Variants in MYO6 observed in about 807,000 individuals in gnomAD.
MYO6 encodes the protein myosin VI.
In MYO6, 74 loss-of-function variants were observed where a neutral mutation model predicts 178.7. The observed-to-expected ratio is 0.41, with a 90% CI of 0.34 to 0.50. MYO6 has a LOEUF of 0.50. Ranked by LOEUF, MYO6 falls within the 20% of genes least tolerant of loss-of-function variation. The probability of loss-of-function intolerance (pLI) is 0.09; values close to 1 mark genes in which losing one functional copy is unlikely to be tolerated. For synonymous variants in MYO6, 477 were observed against 504.6 expected (o/e 0.95, Z 0.73); for missense variants, 1,330 against 1,547.4 (o/e 0.86, Z 2.36).
chr6:75,849,724 G>A (rs896921072), intron 11 of MYO6, among the ~76,000 whole-genome samples: 2 of 152,156 alleles, frequency 1.3e-5, no homozygotes, highest in African/African-American at 2.4e-5. Context: ...TCTTCAAGGC[G>A]GGAAATACGT....
chr6:75,793,982 T>A (rs2150094558), intron 1 of MYO6, among the ~76,000 whole-genome samples: 1 of 152,254 alleles, frequency 6.6e-6, no homozygotes, highest in South Asian at 2.1e-4. Flanking sequence ...GAAAAGCCTT[T>A]CCATGAGAAA....
chr6:75,856,483 T>C (rs1319372483), intron 12 of MYO6, among the ~76,000 whole-genome samples: 1 of 151,404 alleles, frequency 6.6e-6, no homozygotes, highest in African/African-American at 2.4e-5. Context: ...AATTTGACTT[T>C]CTTTTTTTTT....
intron 1 of MYO6, among the ~76,000 whole-genome samples, chr6:75,767,665 C>A (rs553220488): frequency 2.0e-5 from 3 of 151,138 alleles, no homozygotes; most frequent in Admixed American, 1.3e-4. Context: ...ACTACAGGTG[C>A]GCACCACCAC....
intron 11 of MYO6, among the ~76,000 whole-genome samples, chr6:75,854,791 T>G (rs1775593975): frequency 6.6e-6 from 1 of 152,198 alleles, no homozygotes; most frequent in South Asian, 2.1e-4. Flanking sequence ...TCATATGAAT[T>G]TTAATGATGA....
At chr6:75,835,303 A>G (rs1466557006) in intron 6 of MYO6, among the ~76,000 whole-genome samples, 1 of 152,196 alleles carries the variant, frequency 6.6e-6, no homozygotes, top group Non-Finnish European at 1.5e-5. Context: ...TTTATTTTTC[A>G]TTTTTATAAT....
chr6:75,841,476 C>G, intron 9 of MYO6, 98 bp downstream of exon 9: 2 of 1,206,366 alleles, frequency 1.7e-6, no homozygotes, highest in Non-Finnish European at 1.2e-6. Context: ...ATTGCTTGAG[C>G]CTGGGAGTTC....
At chr6:75,830,582 C>A (rs371811853) in intron 5 of MYO6, 37 bp downstream of exon 5, 281 of 1,579,068 alleles carry the variant, frequency 1.8e-4, no homozygotes, top group Admixed American at 3.4e-4. Flanking sequence ...TCTTGTCTTT[C>A]TTTATATTGT....
rs748235263 is a variant in MYO6, at chr6:75,908,482, A to G, written c.3281-14A>G. The stretch of plus-strand genomic sequence containing the variant: ...ACATGTCAATTTTTTTTTTTTGCTC[A>G]ATGTAATCAATAGATATTGAGCTCC... On this transcript the variant is annotated splice_polypyrimidine_tract_variant and intron_variant, in intron 31 of 34. Transcript: ENST00000369977. The G allele has an allele frequency of 1.0e-5, 16 of 1,605,958 alleles. No individual in the cohort carries two copies. The highest frequency in any genetic ancestry group is 1.3e-5 in the Non-Finnish European group (15 of 1,177,002).
intron 8 of MYO6, among the ~76,000 whole-genome samples, chr6:75,840,914 T>C (rs956239103): frequency 7.2e-5 from 11 of 152,322 alleles, no homozygotes; most frequent in Admixed American, 6.5e-4. Context: ...TAGCTAGTCA[T>C]GTAAGATATT....
intron 1 of MYO6, among the ~76,000 whole-genome samples, chr6:75,762,227 GC>G (rs1446038799): frequency 6.6e-6 from 1 of 152,106 alleles, no homozygotes; most frequent in Admixed American, 6.5e-5. Context: ...GAGCCACTGT[GC>G]CCCCGGCCAT....
At chr6:75,881,017 T>G (rs528401507) in intron 22 of MYO6, among the ~76,000 whole-genome samples, 3 of 152,164 alleles carry the variant, frequency 2.0e-5, no homozygotes, top group Non-Finnish European at 4.4e-5. Context: ...TTTGGGAGGC[T>G]GAAGCAGTGG....
At chr6:75,887,418 C>T (rs533614743) in intron 25 of MYO6, among the ~76,000 whole-genome samples, 25 of 151,918 alleles carry the variant, frequency 1.6e-4, no homozygotes, top group Middle Eastern at 3.4e-3. Flanking sequence ...CTGAGGCGGA[C>T]GGATCATGAG....
chr6:75,859,936 A>G (rs964101947), intron 14 of MYO6, among the ~76,000 whole-genome samples: 1 of 152,208 alleles, frequency 6.6e-6, no homozygotes, highest in African/African-American at 2.4e-5. Context: ...CTGGGATTAC[A>G]GGCGTGAGCC....
intron 30 of MYO6, among the ~76,000 whole-genome samples, chr6:75,904,382 G>C (rs532299491): frequency 4.6e-5 from 7 of 151,232 alleles, no homozygotes; most frequent in Non-Finnish European, 1.0e-4. Context: ...ACATAGATTT[G>C]GTCTTTTCAC....
chr6:75,886,707 C>A, intron 24 of MYO6, 137 bp from the exon 25 acceptor site: 1 of 846,226 alleles, frequency 1.2e-6, no homozygotes. Flanking sequence ...TAGCCTTCAA[C>A]AAGAGATCTG....
rs1279746944 is a variant in MYO6, at chr6:75,917,308, C to T, written c.*2296C>T. ...ACTATATATAAAGAACTAATCTTTT[C>T]TTAATACCAGTTCTTTCCATAGCAT... On this transcript the variant is annotated 3_prime_UTR_variant, in exon 35 of 35. Coordinates refer to ENST00000369977, the MANE Select transcript of MYO6 (RefSeq NM_004999.4). 6.5e-6 allele frequency: 1 copy of T among 152,672 alleles called. No individual in the cohort carries two copies. Among genetic ancestry groups the T allele is most frequent in the African/African-American group, 2.4e-5 (1 of 41,464 alleles). The allele number at this position is 152,672 out of a possible 1,614,324, so 9.5% of individuals were successfully genotyped here. A position where few individuals can be genotyped will look rare whatever the true frequency, so the allele number is the denominator to read the frequency against.
chr6:75,886,767 T>C (rs907737246), intron 24 of MYO6, 77 bp from the exon 25 acceptor site: 2 of 1,368,940 alleles, frequency 1.5e-6, no homozygotes, highest in Non-Finnish European at 2.1e-6. Flanking sequence ...ATACCCTGTT[T>C]AGCATTTTAT....
chr6:75,865,412 G>C (rs557011866), intron 16 of MYO6: 1 of 121,066 alleles, frequency 8.3e-6, no homozygotes, highest in African/African-American at 3.1e-5. Context: ...TGCCCTGGTT[G>C]GAGTGCAGTG....
chr6:75,863,967 C>G (rs1487770381), intron 16 of MYO6, among the ~76,000 whole-genome samples: 1 of 152,026 alleles, frequency 6.6e-6, no homozygotes, highest in African/African-American at 2.4e-5. Flanking sequence ...ATCCTTGTAC[C>G]CAGAAAGAGC....
Sources: gnomAD v4.1 joint callset for allele counts (sites outside exome capture counted in the v4.1 genomes callset) on GRCh38, gnomAD v4.1.1 for gene constraint, MANE v1.5 for transcripts, NCBI Gene and HGNC (gene_info 2026-07-23, HGNC 2026-07-21) for gene names.